The following SOD1 variants were observed in gnomAD, a reference collection of about 807,000 sequenced individuals.
The protein encoded by SOD1 is superoxide dismutase [Cu-Zn].
A neutral mutation model predicts 15.9 loss-of-function variants in SOD1; 8 were observed. That is an observed-to-expected ratio of 0.50 (90% CI 0.30 to 0.91). The LOEUF is 0.91. Among genes scored for constraint, SOD1 ranks in the 40% least tolerant of loss-of-function variants. The probability of loss-of-function intolerance (pLI) is 0.07; values close to 1 mark genes in which losing one functional copy is unlikely to be tolerated. For synonymous variants in SOD1, 86 were observed against 71.2 expected (o/e 1.21, Z -1.04); for missense variants, 137 against 194.5 (o/e 0.70, Z 1.76).
chr21:31,663,765 C>G (rs201746008), intron 1 of SOD1, 25 bp from the exon 2 acceptor site: 2 of 1,548,448 alleles, frequency 1.3e-6, no homozygotes, highest in East Asian at 2.3e-5. Context: ...CAGAAACTCT[C>G]TCCAACTTTG....
At chr21:31,668,437 C>G (rs1311472995) in intron 4 of SOD1, 34 bp from the exon 5 acceptor site, 1 of 1,497,616 alleles carries the variant, frequency 6.7e-7, no homozygotes, top group Non-Finnish European at 9.3e-7. Flanking sequence ...GATTACTTGA[C>G]AGCCCAAAGT....
chr21:31,663,940 C>A, intron 2 of SOD1, 54 bp downstream of exon 2: 1 of 1,312,822 alleles, frequency 7.6e-7, no homozygotes, highest in Non-Finnish European at 1.1e-6. Context: ...GTTAGATAAA[C>A]AGTAGAGTAG....
Position 31,659,717 on chromosome 21 carries a change from G to C in SOD1, c.-53G>C, listed in dbSNP as rs1302257299. The C allele has an allele frequency of 2.5e-6, 4 of 1,573,270 alleles. No homozygotes were observed. The Admixed American group carries it at 6.7e-5, about 26-fold the overall frequency. On this transcript the variant is annotated 5_prime_UTR_variant, in exon 1 of 5. Transcript: ENST00000270142. ...TGCGTCGTAGTCTCCTGCAGCGTCT[G>C]GGGTTTCCGTTGCAGTCCTCGGAAC...
intron 1 of SOD1, chr21:31,660,698 C>G (rs964586954): frequency 6.6e-6 from 1 of 152,178 alleles, no homozygotes; most frequent in South Asian, 2.1e-4. Flanking sequence ...CAAAACCTGT[C>G]CTAGTGCAGG....
intron 2 of SOD1, among the ~76,000 whole-genome samples, chr21:31,665,965 G>C (rs2049588745): frequency 1.4e-5 from 2 of 144,800 alleles, no homozygotes; most frequent in African/African-American, 5.3e-5. Context: ...TTAGAACTTG[G>C]TGGGGTTTTT....
At chr21:31,666,581 A>C in intron 3 of SOD1, 63 bp downstream of exon 3, 4 of 1,170,512 alleles carry the variant, frequency 3.4e-6, no homozygotes, top group Non-Finnish European at 5.1e-6. Context: ...ATGGTATACT[A>C]CTTGTAAATA....
At chr21:31,667,181 G>A (rs764888472) in intron 3 of SOD1, 77 bp from the exon 4 acceptor site, 1 of 1,173,760 alleles carries the variant, frequency 8.5e-7, no homozygotes, top group South Asian at 1.3e-5. Flanking sequence ...ACTCAGTCAA[G>A]TTTTAATTTA....
chr21:31,662,408 A>G (rs1214519226), intron 1 of SOD1, among the ~76,000 whole-genome samples: 1 of 152,222 alleles, frequency 6.6e-6, no homozygotes, highest in South Asian at 2.1e-4. Context: ...TGTTGGCCGT[A>G]TTTGAAAACA....
chr21:31,661,982 C>G (rs1182934330), intron 1 of SOD1, among the ~76,000 whole-genome samples: 2 of 152,220 alleles, frequency 1.3e-5, no homozygotes, highest in African/African-American at 4.8e-5. Flanking sequence ...TTCCTAGCTT[C>G]TCTTGAAGAA....
Position 31,666,376 on chromosome 21 carries a change from AGT to A in SOD1, c.170-70_170-69del, listed in dbSNP as rs2049592998. On this transcript the variant is annotated intron_variant, in intron 2 of 4. Coordinates refer to ENST00000270142, the MANE Select transcript of SOD1 (RefSeq NM_000454.5). ...CACTTTCTCCATGGGAAGTTTTAGC[AGT>A]GTTTCTTTTTAGAATGTATTTGGGA... 11 of 1,155,504 alleles carry A rather than the reference AGT, an allele frequency of 9.5e-6. No individual in the cohort carries two copies. In the Admixed American group the frequency reaches 1.7e-4, roughly 18 times the overall value. 71.6% of individuals were successfully genotyped at this position (1,155,504 alleles called of 1,614,324 possible). A position where few individuals can be genotyped will look rare whatever the true frequency, so the allele number is the denominator to read the frequency against.
intron 2 of SOD1, among the ~76,000 whole-genome samples, 158 bp downstream of exon 2, chr21:31,664,044 A>G (rs1296758797): frequency 6.6e-6 from 1 of 152,064 alleles, no homozygotes. Flanking sequence ...CTGTGCGATC[A>G]TGGCTGACCT....
chr21:31,663,791 A>G lies in SOD1; in HGVS notation c.74A>G (p.Glu25Gly). The G allele has an allele frequency of 1.9e-6, 3 of 1,609,776 alleles. No homozygotes were observed. The highest frequency in any genetic ancestry group is 2.6e-6 in the Non-Finnish European group (3 of 1,176,304). The stretch of plus-strand genomic sequence containing the variant: ...TCCAACTTTGCACTTTTCTTAAAGG[A>G]AAGTAATGGACCAGTGAAGGTGTGG... ...VQGIINFEQK[E>G]SNGPVKVWGS... Residue 25 changes from glutamate to glycine, a missense_variant and splice_region_variant, in exon 2 of 5, where the codon GAA (glutamate) becomes GGA (glycine). By Grantham distance (98) the Glu-to-Gly change is moderately conservative. Coordinates refer to ENST00000270142, the MANE Select transcript of SOD1 (RefSeq NM_000454.5).
chr21:31,660,447 TTG>T (rs1384785536), intron 1 of SOD1: 1 of 152,428 alleles, frequency 6.6e-6, no homozygotes, highest in Admixed American at 6.5e-5. Flanking sequence ...CAGAGACCGT[TTG>T]TGTGACACTT....
intron 4 of SOD1, 39 bp from the exon 5 acceptor site, chr21:31,668,432 C>T (rs775374443): frequency 1.0e-5 from 15 of 1,459,460 alleles, no homozygotes; most frequent in African/African-American, 1.4e-5. Context: ...GTAGTGATTA[C>T]TTGACAGCCC....
chr21:31,666,975 A>G, intron 3 of SOD1: 1 of 469,250 alleles, frequency 2.1e-6, no homozygotes, highest in Non-Finnish European at 3.8e-6. Context: ...TTTATATCAG[A>G]GGCCTTGGGA....
chr21:31,659,890 G>T (rs1038795618), intron 1 of SOD1, 49 bp downstream of exon 1: 2 of 1,576,808 alleles, frequency 1.3e-6, no homozygotes, highest in African/African-American at 1.3e-5. Context: ...CCACCCGCTC[G>T]TCCCCCCGCG....
chr21:31,666,602 T>C, intron 3 of SOD1, 84 bp downstream of exon 3: 1 of 1,028,696 alleles, frequency 9.7e-7, no homozygotes, highest in Non-Finnish European at 1.5e-6. Flanking sequence ...TGTGCTAAGA[T>C]AATTCCGTGT....
rs777560607 is a variant in SOD1 at position 31,663,821 on chromosome 21, G to T, written c.104G>T (p.Ser35Ile). The change falls in exon 2 of 5, where the codon AGC becomes ATC. Residue 35 changes from serine (S) to isoleucine (I), a missense_variant. Physicochemically the swap from Ser to Ile is moderately radical, Grantham distance 142. Transcript: ENST00000270142. ...ESNGPVKVWG[S>I]IKGLTEGLHG... ...AATGGACCAGTGAAGGTGTGGGGAAGCATTAAAGGACTGACTGAAGGCCTG... is the reference window on the plus strand; with the variant it reads ...AATGGACCAGTGAAGGTGTGGGGAATCATTAAAGGACTGACTGAAGGCCTG... 6.2e-7 allele frequency: 1 copy of T among 1,613,380 alleles called. No individual in the cohort carries two copies. The highest frequency in any genetic ancestry group is 1.3e-5 in the African/African-American group (1 of 74,908).
chr21:31,662,201 C>T (rs565211656), intron 1 of SOD1, among the ~76,000 whole-genome samples: 1 of 152,294 alleles, frequency 6.6e-6, no homozygotes, highest in African/African-American at 2.4e-5. Flanking sequence ...GTTTTTGGCC[C>T]TGTGCTCTTG....
Sources: allele counts gnomAD v4.1 joint callset (sites outside exome capture counted in the v4.1 genomes callset), GRCh38; gene constraint gnomAD v4.1.1; transcripts MANE v1.5; gene names NCBI Gene and HGNC (gene_info 2026-07-23, HGNC 2026-07-21).